Variants in MED30 observed in about 807,000 individuals in gnomAD.
MED30 encodes mediator of RNA polymerase II transcription subunit 30.
MED30 carries 8 observed loss-of-function variants against 21.7 expected under a neutral mutation model. That is an observed-to-expected ratio of 0.37 (90% CI 0.22 to 0.67). The LOEUF is 0.67. Among genes scored for constraint, MED30 ranks in the 30% least tolerant of loss-of-function variants. The probability of loss-of-function intolerance (pLI) is 0.58; values close to 1 mark genes in which losing one functional copy is unlikely to be tolerated. For synonymous variants in MED30, 79 were observed against 86.7 expected (o/e 0.91, Z 0.49); for missense variants, 203 against 228.2 (o/e 0.89, Z 0.71).
intron 3 of MED30, among the ~76,000 whole-genome samples, chr8:117,535,865 A>G (rs1818871182): frequency 6.6e-6 from 1 of 152,090 alleles, no homozygotes; most frequent in Admixed American, 6.5e-5. Context: ...CTATTATGGT[A>G]TGGAGTATAA....
chr8:117,522,650 A>G (rs1198400618), intron 1 of MED30, among the ~76,000 whole-genome samples: 1 of 150,766 alleles, frequency 6.6e-6, no homozygotes, highest in Non-Finnish European at 1.5e-5. Context: ...TTTTTTTTTA[A>G]CTGGTCAAGA....
At position 117,520,858 on chromosome 8, in the gene MED30, C is replaced by CT; in HGVS notation, c.-18dup. 1 of 1,568,370 alleles carries CT rather than the reference C, an allele frequency of 6.4e-7. No individual in the cohort carries two copies. Among genetic ancestry groups the CT allele is most frequent in the African/African-American group, 1.4e-5 (1 of 73,642 alleles). On this transcript the variant is annotated 5_prime_UTR_variant, in exon 1 of 4. Transcript: ENST00000297347. ...CACCTGCTGTCTGGCCCCTTCCGGCCTGAAGCTGCAGCCGCGCCATGTCCA... is the reference window on the plus strand; with the variant it reads ...CACCTGCTGTCTGGCCCCTTCCGGCCTTGAAGCTGCAGCCGCGCCATGTCCA...
chr8:117,531,294 A>C (rs537330244), intron 3 of MED30, among the ~76,000 whole-genome samples: 1 of 152,168 alleles, frequency 6.6e-6, no homozygotes, highest in East Asian at 1.9e-4. Context: ...AAAAGTTCAG[A>C]AGATAATGTT....
At chr8:117,536,672 C>T (rs1447623814) in intron 3 of MED30, among the ~76,000 whole-genome samples, 3 of 152,180 alleles carry the variant, frequency 2.0e-5, no homozygotes, top group Admixed American at 1.3e-4. Context: ...CATCATAAGA[C>T]AATATGGCTG....
Position 117,520,955 on chromosome 8 carries a change from G to C in MED30, c.79G>C (p.Glu27Gln). 1 of 1,612,804 alleles carries C rather than the reference G, an allele frequency of 6.2e-7. No homozygotes were observed. The highest frequency in any genetic ancestry group is 8.5e-7 in the Non-Finnish European group (1 of 1,179,416). Reference sequence around the variant, plus strand: ...GCCCCAGGCTCAGCAGGCCGCCCGGGAAGTCAACACGGCGTCGCTGTGCCG... The same window carrying C: ...GCCCCAGGCTCAGCAGGCCGCCCGGCAAGTCAACACGGCGTCGCTGTGCCG... ...AGPQAQQAAR[E>Q]VNTASLCRIG... Residue 27 changes from glutamate to glutamine, a missense_variant, in exon 1 of 4, where the codon GAA becomes CAA. Physicochemically the swap from Glu to Gln is conservative, Grantham distance 29. Transcript: ENST00000297347.
At chr8:117,528,546 CTA>C (rs1209509317) in intron 1 of MED30, 103 bp from the exon 2 acceptor site, 17 of 893,278 alleles carry the variant, frequency 1.9e-5, no homozygotes, top group Non-Finnish European at 2.7e-5. Flanking sequence ...CAGCTTATGT[CTA>C]TGCATTGCCT....
At chr8:117,528,876 T>C in intron 2 of MED30, 67 bp downstream of exon 2, 1 of 1,239,020 alleles carries the variant, frequency 8.1e-7, no homozygotes, top group Non-Finnish European at 1.1e-6. Flanking sequence ...GTTGTTAATC[T>C]TTTTCCTCTC....
intron 1 of MED30, chr8:117,523,737 G>C (rs181323645): frequency 7.5e-7 from 1 of 1,337,116 alleles, no homozygotes; most frequent in Non-Finnish European, 1.0e-6. Flanking sequence ...GGCTAGGCGC[G>C]GTGGCTCACG....
At chr8:117,529,569 G>A (rs182384310) in intron 2 of MED30, among the ~76,000 whole-genome samples, 4 of 152,060 alleles carry the variant, frequency 2.6e-5, no homozygotes, top group Admixed American at 6.6e-5. Flanking sequence ...TGATAGCAGC[G>A]TGAAGTCTGA....
intron 3 of MED30, among the ~76,000 whole-genome samples, chr8:117,533,628 A>C (rs892695312): frequency 4.0e-5 from 6 of 151,880 alleles, no homozygotes; most frequent in Non-Finnish European, 7.4e-5. Flanking sequence ...TTACCTCTTT[A>C]ATTTTCTAAA....
intron 1 of MED30, among the ~76,000 whole-genome samples, chr8:117,527,341 C>G (rs1414267237): frequency 1.3e-5 from 2 of 151,886 alleles, no homozygotes; most frequent in Non-Finnish European, 2.9e-5. Context: ...TATCACATTG[C>G]TTTGAGGCAT....
Position 117,539,888 on chromosome 8 carries a change from C to T in MED30, c.447C>T (p.Leu149=), listed in dbSNP as rs1169046664. ...AAATTCTTTTGTTTCTACAGAAACT[C>T]AAACAGAAGAATCAACAGCTGAAAC... ...RREIAEVNKK[L]KQKNQQLKQI... The change falls in exon 4 of 4, where the codon CTC becomes CTT. Residue 149 remains leucine (L), a synonymous_variant. Transcript: ENST00000297347. 11 of 1,593,930 alleles carry T rather than the reference C, an allele frequency of 6.9e-6. No homozygotes were observed. Among genetic ancestry groups the T allele is most frequent in the Admixed American group, 1.7e-5 (1 of 59,194 alleles).
intron 2 of MED30, 172 bp downstream of exon 2, chr8:117,528,981 A>G: frequency 2.5e-6 from 1 of 400,458 alleles, no homozygotes; most frequent in Non-Finnish European, 4.4e-6. Flanking sequence ...ATAAAATACT[A>G]CTATATTTTT....
At position 117,530,813 on chromosome 8, in the gene MED30, G is replaced by A. The variant is rs1818783302; in HGVS notation, c.427G>A (p.Ala143Thr). The A allele has an allele frequency of 1.9e-6, 3 of 1,608,514 alleles. No individual in the cohort carries two copies. The South Asian group carries it at 3.3e-5, about 18-fold the overall frequency. ...TGCTAGTGAAGAGAGGCGAGAAATTGCTGAAGTAAATAAAGTGAGTTGTTA... is the reference window on the plus strand; with the variant it reads ...TGCTAGTGAAGAGAGGCGAGAAATTACTGAAGTAAATAAAGTGAGTTGTTA... ...RFASEERREI[A>T]EVNKKLKQKN... The change falls in exon 3 of 4, where the codon GCT becomes ACT. Residue 143 changes from alanine to threonine, a missense_variant. Ala to Thr is a moderately conservative substitution (Grantham distance 58, BLOSUM62 0). Coordinates refer to ENST00000297347, the MANE Select transcript of MED30 (RefSeq NM_080651.4).
intron 3 of MED30, among the ~76,000 whole-genome samples, chr8:117,533,653 T>G (rs1030441958): frequency 6.6e-6 from 1 of 152,192 alleles, no homozygotes; most frequent in Non-Finnish European, 1.5e-5. Context: ...TAGTTAGTTT[T>G]TTATGCATCT....
intron 1 of MED30, among the ~76,000 whole-genome samples, chr8:117,522,184 A>G (rs1818634288): frequency 6.6e-6 from 1 of 152,114 alleles, no homozygotes. Flanking sequence ...TTAAATTTTG[A>G]TGGAATCCAG....
chr8:117,522,969 A>G (rs756371199), intron 1 of MED30, among the ~76,000 whole-genome samples: 5 of 152,092 alleles, frequency 3.3e-5, no homozygotes, highest in Admixed American at 1.3e-4. Context: ...TTTTATCCCT[A>G]TTTTACAGTA....
chr8:117,533,482 A>G (rs973737146), intron 3 of MED30, among the ~76,000 whole-genome samples: 3 of 152,146 alleles, frequency 2.0e-5, no homozygotes, highest in Admixed American at 2.0e-4. Context: ...GTGCACTTAT[A>G]TCATATTTGG....
chr8:117,528,139 G>C (rs1026745336), intron 1 of MED30, among the ~76,000 whole-genome samples: 1 of 151,564 alleles, frequency 6.6e-6, no homozygotes, highest in Admixed American at 6.6e-5. Context: ...TTAAATGACA[G>C]GTTTATATTT....
Sources: gnomAD v4.1 joint callset for allele counts (sites outside exome capture counted in the v4.1 genomes callset) on GRCh38, gnomAD v4.1.1 for gene constraint, MANE v1.5 for transcripts, NCBI Gene and HGNC (gene_info 2026-07-23, HGNC 2026-07-21) for gene names.